Variants in ZFAT observed in about 807,000 individuals in gnomAD.
ZFAT encodes the protein zinc finger protein ZFAT.
A neutral mutation model predicts 117.7 loss-of-function variants in ZFAT; 64 were observed. The ratio of observed to expected loss-of-function variants is 0.54; its 90% CI spans 0.44 to 0.67. The LOEUF is 0.67. Among genes scored for constraint, ZFAT ranks in the 30% least tolerant of loss-of-function variants. The pLI is 0.00. For missense variants in ZFAT, 1,433 were observed against 1,584.5 expected (o/e 0.90, Z 1.62); for synonymous variants, 679 against 615.0 (o/e 1.10, Z -1.54).
intron 2 of ZFAT, among the ~76,000 whole-genome samples, chr8:134,647,419 C>T (rs888981226): frequency 3.3e-5 from 5 of 152,270 alleles, no homozygotes; most frequent in East Asian, 3.9e-4. Context: ...CCAGAGCTAA[C>T]ATAATAATCA....
At chr8:134,831,956 G>A in the ZFAT span, among the ~76,000 whole-genome samples, 1 of 151,278 alleles carries the variant, frequency 6.6e-6, no homozygotes. Context: ...CGCTCCGGAC[G>A]CCCTCTCCCG....
rs187784213 is a variant in ZFAT at position 134,568,480 on chromosome 8, A to C, written c.2888-3059T>G. Among the ~76,000 whole-genome samples the C allele has an allele frequency of 1.5e-3, 234 of 152,290 alleles. 1 individual carries two copies. Among genetic ancestry groups the C allele is most frequent in the Middle Eastern group, 0.01 (3 of 294 alleles). On this transcript the variant is annotated intron_variant, in intron 10 of 15. Coordinates refer to ENST00000377838, the MANE Select transcript of ZFAT (RefSeq NM_020863.4). ...ACTGTGCTGTGTTCTTCACCACTAG[A>C]GTGGGGGAAGCAGAGCTGATGGAAC...
In ZFAT at chr8:134,601,400, G is replaced by T. The variant is rs1269037308; in HGVS notation, c.2242+77C>A. On this transcript the variant is annotated intron_variant, in intron 6 of 15. Transcript: ENST00000377838. Reference sequence around the variant, plus strand: ...GAAGGTATTCTTTGCAAACAGACATGAGCTCAAATCAAATGCGAGGTGACC... The same window carrying T: ...GAAGGTATTCTTTGCAAACAGACATTAGCTCAAATCAAATGCGAGGTGACC... 5 of 1,519,672 alleles carry T rather than the reference G, an allele frequency of 3.3e-6. No individual in the cohort carries two copies. In the Admixed American group the frequency reaches 1.0e-4, roughly 31 times the overall value. The allele number at this position is 1,519,672 out of a possible 1,614,324, so 94.1% of individuals were successfully genotyped here.
chr8:134,752,442 T>C, the ZFAT span, among the ~76,000 whole-genome samples: 1 of 152,202 alleles, frequency 6.6e-6, no homozygotes, highest in Non-Finnish European at 1.5e-5. Context: ...GTTATTGTTC[T>C]ATAAAATGGG....
chr8:134,694,833 T>C (rs1833747170), intron 1 of ZFAT, among the ~76,000 whole-genome samples: 1 of 151,906 alleles, frequency 6.6e-6, no homozygotes, highest in Admixed American at 6.6e-5. Flanking sequence ...ACATTCGGAG[T>C]ATTAAATAGA....
intron 11 of ZFAT, among the ~76,000 whole-genome samples, chr8:134,555,452 C>G (rs984275838): frequency 3.3e-5 from 5 of 152,218 alleles, no homozygotes; most frequent in African/African-American, 1.2e-4. Context: ...GATGCCAGCC[C>G]AAGCTTGTAA....
the ZFAT span, among the ~76,000 whole-genome samples, chr8:134,733,684 CT>C: frequency 6.6e-6 from 1 of 152,260 alleles, no homozygotes; most frequent in Non-Finnish European, 1.5e-5. Flanking sequence ...AGTGCTGTGT[CT>C]CTTGATTGTC....
chr8:134,779,968 A>C, the ZFAT span, among the ~76,000 whole-genome samples: 2 of 152,158 alleles, frequency 1.3e-5, no homozygotes, highest in Admixed American at 6.6e-5. Flanking sequence ...GGTCCACTGA[A>C]TTCTACCTCC....
At chr8:134,517,060 C>A (rs987225770) in intron 13 of ZFAT, among the ~76,000 whole-genome samples, 1 of 152,142 alleles carries the variant, frequency 6.6e-6, no homozygotes, top group African/African-American at 2.4e-5. Flanking sequence ...CTCAGAATCA[C>A]AATATTGTCC....
chr8:134,520,122 C>T (rs1022891554), intron 13 of ZFAT, among the ~76,000 whole-genome samples: 4 of 152,122 alleles, frequency 2.6e-5, no homozygotes, highest in Non-Finnish European at 5.9e-5. Flanking sequence ...ATTTTTACCC[C>T]CAGGAAACAC....
At chr8:134,797,662 A>G in the ZFAT span, 1 of 152,098 alleles carries the variant, frequency 6.6e-6, no homozygotes. Context: ...CACAGGAATA[A>G]TGTATATTAA....
chr8:134,627,276 G>A (rs181081059), intron 3 of ZFAT, among the ~76,000 whole-genome samples: 4 of 152,360 alleles, frequency 2.6e-5, no homozygotes, highest in African/African-American at 9.6e-5. Context: ...CATTAGAGGT[G>A]ATGACAGTGG....
At chr8:134,571,148 T>A (rs1366785816) in intron 10 of ZFAT, among the ~76,000 whole-genome samples, 1 of 152,174 alleles carries the variant, frequency 6.6e-6, no homozygotes, top group African/African-American at 2.4e-5. Flanking sequence ...ACTCATCACC[T>A]AAATGGACAA....
At chr8:134,522,722 A>T (rs1322068815) in intron 12 of ZFAT, among the ~76,000 whole-genome samples, 3 of 152,194 alleles carry the variant, frequency 2.0e-5, no homozygotes, top group African/African-American at 7.2e-5. Flanking sequence ...GCTGAGACAA[A>T]TCACAAAGCC....
At chr8:134,817,772 T>G in the ZFAT span, among the ~76,000 whole-genome samples, 3 of 152,236 alleles carry the variant, frequency 2.0e-5, no homozygotes, top group East Asian at 1.9e-4. Flanking sequence ...ATTGGAAGAC[T>G]ACATGATTTC....
At chr8:134,799,778 C>CA in the ZFAT span, among the ~76,000 whole-genome samples, 984 of 152,216 alleles carry the variant, frequency 6.5e-3, 8 homozygotes, top group South Asian at 0.022. Flanking sequence ...TCCATTAAAC[C>CA]AAAAAGTTGG....
intron 15 of ZFAT, among the ~76,000 whole-genome samples, chr8:134,485,400 T>C (rs1056036712): frequency 6.6e-6 from 1 of 152,204 alleles, no homozygotes; most frequent in Admixed American, 6.5e-5. Flanking sequence ...TTCCTCTCTT[T>C]CCTCTCTAAT....
At chr8:134,686,066 C>T (rs1348946582) in intron 1 of ZFAT, among the ~76,000 whole-genome samples, 2 of 152,210 alleles carry the variant, frequency 1.3e-5, no homozygotes, top group African/African-American at 4.8e-5. Context: ...TGCTGCTGGT[C>T]CCCAGAGGGG....
chr8:134,817,445 CTTA>C, the ZFAT span, among the ~76,000 whole-genome samples: 9 of 128,778 alleles, frequency 7.0e-5, no homozygotes, highest in African/African-American at 2.5e-4. Context: ...ACAACGCACC[CTTA>C]TTGATTGTTT....
Sources: gnomAD v4.1 joint callset for allele counts (sites outside exome capture counted in the v4.1 genomes callset) on GRCh38, gnomAD v4.1.1 for gene constraint, MANE v1.5 for transcripts, NCBI Gene and HGNC (gene_info 2026-07-23, HGNC 2026-07-21) for gene names.